ST3GAL3: variants seen among roughly 807,000 people sequenced by gnomAD.
ST3GAL3 encodes the protein CMP-N-acetylneuraminate-beta-1,4-galactoside alpha-2,3-sialyltransferase.
In ST3GAL3, 21 loss-of-function variants were observed where a neutral mutation model predicts 50.1. The observed-to-expected ratio is 0.42, with a 90% CI of 0.30 to 0.60. The LOEUF (loss-of-function observed/expected upper bound fraction) is 0.60. ST3GAL3 is among the 20% of genes least tolerant of loss of function. ST3GAL3 has a pLI of 0.19. For synonymous variants in ST3GAL3, 183 were observed against 190.0 expected (o/e 0.96, Z 0.30); for missense variants, 353 against 489.4 (o/e 0.72, Z 2.63).
At chr1:43,834,998 C>T (rs554054449) in intron 4 of ST3GAL3, among the ~76,000 whole-genome samples, 32 of 152,290 alleles carry the variant, frequency 2.1e-4, no homozygotes, top group African/African-American at 7.5e-4. Context: ...GCGTCTGGTT[C>T]CTTCTTTGGG....
At chr1:43,916,948 C>T (rs748842421) in intron 9 of ST3GAL3, 1 of 152,094 alleles carries the variant, frequency 6.6e-6, no homozygotes, top group Non-Finnish European at 1.5e-5. Flanking sequence ...TTTAATGAAA[C>T]CTCTGTTGTA....
At chr1:43,773,916 G>C (rs1413275502) in intron 2 of ST3GAL3, among the ~76,000 whole-genome samples, 1 of 152,140 alleles carries the variant, frequency 6.6e-6, no homozygotes, top group Non-Finnish European at 1.5e-5. Flanking sequence ...CATAGTGTCT[G>C]TGCCAAGGTG....
intron 4 of ST3GAL3, among the ~76,000 whole-genome samples, chr1:43,826,116 A>G (rs911830639): frequency 3.9e-5 from 6 of 151,974 alleles, no homozygotes; most frequent in African/African-American, 4.8e-5. Flanking sequence ...AAAAAAAACA[A>G]AATTAGCCGG....
rs1246943641 is a variant in ST3GAL3, at chr1:43,737,830, G to A, written c.118+1450G>A. On this transcript the variant is annotated intron_variant, in intron 2 of 11. Transcript: ENST00000347631. The surrounding 1 kb of genome is among the most constrained non-coding windows in gnomAD (Gnocchi z 4.0). ...GATAAGATTTTCCTAGATCAGTAGG[G>A]AAGGGAATTAACTTTATGGAAGACT... is the stretch of plus-strand genomic sequence containing the variant. The A allele has an allele frequency of 6.6e-6, 1 of 152,210 alleles. No homozygotes were observed. The highest frequency in any genetic ancestry group is 1.5e-5 in the Non-Finnish European group (1 of 68,040). 9.4% of individuals were successfully genotyped at this position (152,210 alleles called of 1,614,324 possible). A position where few individuals can be genotyped will look rare whatever the true frequency, so the allele number is the denominator to read the frequency against.
intron 2 of ST3GAL3, among the ~76,000 whole-genome samples, chr1:43,753,854 C>T (rs1376747222): frequency 6.6e-6 from 1 of 152,236 alleles, no homozygotes; most frequent in African/African-American, 2.4e-5. Context: ...TTGAAGGATG[C>T]TCAGGCACAC....
chr1:43,851,569 C>T (rs1392426498), intron 5 of ST3GAL3: 11 of 1,500,982 alleles, frequency 7.3e-6, no homozygotes, highest in East Asian at 2.3e-5. Context: ...GCCCAGCTGG[C>T]GAAATTCTCC....
intron 10 of ST3GAL3, 61 bp downstream of exon 10, chr1:43,920,611 G>C: frequency 6.2e-7 from 1 of 1,600,502 alleles, no homozygotes; most frequent in Non-Finnish European, 8.6e-7. Context: ...GCCTTGGAAG[G>C]AAGGGTGGGT....
chr1:43,849,819 G>C (rs538115277), intron 5 of ST3GAL3, among the ~76,000 whole-genome samples: 13 of 152,342 alleles, frequency 8.5e-5, no homozygotes, highest in African/African-American at 2.9e-4. Flanking sequence ...CACAGCAGAA[G>C]CTTCAGAGGC....
At chr1:43,804,503 G>A (rs2059658785) in intron 3 of ST3GAL3, among the ~76,000 whole-genome samples, 1 of 152,162 alleles carries the variant, frequency 6.6e-6, no homozygotes, top group Non-Finnish European at 1.5e-5. Context: ...GGTTGAGATG[G>A]AGCAGACAGA....
chr1:43,811,395 C>CTT, intron 3 of ST3GAL3, among the ~76,000 whole-genome samples: 1 of 152,282 alleles, frequency 6.6e-6, no homozygotes, highest in South Asian at 2.1e-4. Flanking sequence ...TGGTGGGGTG[C>CTT]TTTTGTGAGT....
chr1:43,780,624 A>G (rs917743311), intron 2 of ST3GAL3, among the ~76,000 whole-genome samples: 1 of 146,992 alleles, frequency 6.8e-6, no homozygotes, highest in Non-Finnish European at 1.5e-5. Context: ...TTTTTGTTCT[A>G]TATTGTGAGA....
chr1:43,815,417 A>G (rs1267767149), intron 4 of ST3GAL3, among the ~76,000 whole-genome samples: 3 of 152,066 alleles, frequency 2.0e-5, no homozygotes, highest in African/African-American at 7.2e-5. Flanking sequence ...CTGTGCCTGA[A>G]ATTTTCTTTC....
intron 1 of ST3GAL3, among the ~76,000 whole-genome samples, chr1:43,712,422 T>C (rs1475891858): frequency 1.3e-5 from 2 of 152,204 alleles, no homozygotes; most frequent in Non-Finnish European, 2.9e-5. Context: ...GACCAGGTGC[T>C]CTCATCATCC....
At chr1:43,748,814 C>G (rs1684912056) in intron 2 of ST3GAL3, among the ~76,000 whole-genome samples, 1 of 151,932 alleles carries the variant, frequency 6.6e-6, no homozygotes, top group Non-Finnish European at 1.5e-5. Context: ...AGTGAAGATC[C>G]TCATTCTTTC....
chr1:43,766,315 G>T (rs1692948475), intron 2 of ST3GAL3, among the ~76,000 whole-genome samples: 1 of 152,002 alleles, frequency 6.6e-6, no homozygotes, highest in African/African-American at 2.4e-5. Context: ...CTGGGCCTGG[G>T]AATTTTAAAG....
At chr1:43,870,214 G>A (rs2072335392) in intron 5 of ST3GAL3, among the ~76,000 whole-genome samples, 1 of 152,218 alleles carries the variant, frequency 6.6e-6, no homozygotes, top group Non-Finnish European at 1.5e-5. Context: ...AATTTTGTGA[G>A]GCTAAAATGA....
intron 3 of ST3GAL3, among the ~76,000 whole-genome samples, chr1:43,812,224 T>C (rs1395563773): frequency 6.6e-6 from 1 of 150,426 alleles, no homozygotes. Context: ...AATTTTACCT[T>C]AAAAATCCAG....
At chr1:43,812,297 A>G (rs1170069242) in intron 3 of ST3GAL3, among the ~76,000 whole-genome samples, 5 of 152,258 alleles carry the variant, frequency 3.3e-5, no homozygotes, top group Admixed American at 1.3e-4. Flanking sequence ...TGCCTGGCAC[A>G]GTTAGCAGGA....
chr1:43,928,444 C>CA (rs2084410574), intron 11 of ST3GAL3, among the ~76,000 whole-genome samples: 1 of 151,120 alleles, frequency 6.6e-6, no homozygotes, highest in East Asian at 2.0e-4. Context: ...ACTACAAATA[C>CA]AAAAAATTAG....
Sources: allele counts gnomAD v4.1 joint callset (sites outside exome capture counted in the v4.1 genomes callset), GRCh38; gene constraint gnomAD v4.1.1; non-coding constraint Gnocchi (gnomAD v3.1); transcripts MANE v1.5; gene names NCBI Gene and HGNC (gene_info 2026-07-23, HGNC 2026-07-21).